Variants in MAGI2 observed in about 807,000 individuals in gnomAD.
MAGI2 encodes membrane-associated guanylate kinase, WW and PDZ domain-containing protein 2.
MAGI2 carries 35 observed loss-of-function variants against 133.3 expected under a neutral mutation model. The ratio of observed to expected loss-of-function variants is 0.26; its 90% confidence interval spans 0.20 to 0.35. The LOEUF is 0.35. Ranked by LOEUF, MAGI2 falls within the 10% of genes least tolerant of loss-of-function variation. The pLI, the probability that MAGI2 is intolerant of heterozygous loss-of-function variation, is 1.00. For missense variants in MAGI2, 1,636 were observed against 1,863.4 expected, an observed-to-expected ratio of 0.88 and a Z score of 2.25; for synonymous variants, 729 against 710.6, an observed-to-expected ratio of 1.03 and a Z score of -0.41.
At chr7:78,688,784 A>G (rs1213781028) in intron 2 of MAGI2, among the ~76,000 whole-genome samples, 1 of 152,226 alleles carries the variant, frequency 6.6e-6, no homozygotes, top group Non-Finnish European at 1.5e-5. Flanking sequence ...ATTTACAAAG[A>G]TCTTCTGCTT....
intron 21 of MAGI2, among the ~76,000 whole-genome samples, chr7:78,043,361 G>C (rs1002172687): frequency 7.0e-6 from 1 of 143,006 alleles, no homozygotes; most frequent in Non-Finnish European, 1.6e-5. Context: ...AGTAGGGGGT[G>C]GGAAAATACC....
rs1275310189 is a variant in MAGI2 at position 79,153,633 on chromosome 7, G to C, written c.302-146427C>G. Among the ~76,000 whole-genome samples the C allele has an allele frequency of 2.0e-5, 3 of 152,290 alleles. No individual in the cohort carries two copies. In the East Asian group the frequency reaches 5.8e-4, roughly 29 times the overall value. On this transcript the variant is annotated intron_variant, in intron 1 of 21. Transcript: ENST00000354212. ...TGGAGGACTAGGAAGGCATTGAAGT[G>C]GGCAAAAGTATGGCTAGGAGTGAGG... is the stretch of plus-strand genomic sequence containing the variant.
chr7:78,117,020 T>A (rs563868924), intron 20 of MAGI2, among the ~76,000 whole-genome samples: 21 of 151,482 alleles, frequency 1.4e-4, no homozygotes, highest in African/African-American at 3.9e-4. Flanking sequence ...TTTAGAAACA[T>A]AATTAGTGAA....
intron 2 of MAGI2, among the ~76,000 whole-genome samples, chr7:78,886,620 T>C (rs564310920): frequency 6.6e-6 from 1 of 152,146 alleles, no homozygotes; most frequent in South Asian, 2.1e-4. Flanking sequence ...TGGAGTAGAA[T>C]CAGCACTGGG....
chr7:78,256,448 A>C lies in MAGI2; in HGVS notation c.1542T>G (p.Phe514Leu). The stretch of plus-strand genomic sequence containing the variant: ...TGCTGTTAGCAGGGTCTTCAGGATC[A>C]AAGGGCAAAGGGTAGCCACGACACA... ...LVLCRGYPLP[F>L]DPEDPANSMV... The change falls in exon 10 of 22, where the codon TTT becomes TTG. Residue 514 changes from phenylalanine (F) to leucine (L), a missense_variant. Phe to Leu is a conservative substitution (Grantham distance 22, BLOSUM62 0). Transcript: ENST00000354212. The C allele has an allele frequency of 1.9e-6, 3 of 1,613,972 alleles. No individual in the cohort carries two copies. The highest frequency in any genetic ancestry group is 2.5e-6 in the Non-Finnish European group (3 of 1,179,958).
At chr7:78,798,509 G>C (rs1271101527) in intron 2 of MAGI2, among the ~76,000 whole-genome samples, 2 of 152,014 alleles carry the variant, frequency 1.3e-5, no homozygotes, top group Non-Finnish European at 2.9e-5. Flanking sequence ...GGCTGGAATG[G>C]GCCTGATGGG....
chr7:79,340,883 A>G (rs1189984388), intron 1 of MAGI2, among the ~76,000 whole-genome samples: 1 of 152,142 alleles, frequency 6.6e-6, no homozygotes, highest in African/African-American at 2.4e-5. Context: ...TCAGGAAAGG[A>G]GCCAGCACGA....
At chr7:78,846,860 A>G (rs1383488473) in intron 2 of MAGI2, among the ~76,000 whole-genome samples, 1 of 151,926 alleles carries the variant, frequency 6.6e-6, no homozygotes, top group Non-Finnish European at 1.5e-5. Context: ...CCAGGTGCAT[A>G]TATTAAAAGC....
chr7:79,253,194 T>C (rs117418428), intron 1 of MAGI2, among the ~76,000 whole-genome samples: 5,338 of 152,314 alleles, frequency 0.035, 150 homozygotes, highest in Non-Finnish European at 0.05. Flanking sequence ...TAAAATATCA[T>C]GTATATTCCT....
At chr7:78,271,282 C>A (rs926650311) in intron 9 of MAGI2, among the ~76,000 whole-genome samples, 3 of 151,640 alleles carry the variant, frequency 2.0e-5, no homozygotes, top group Non-Finnish European at 1.5e-5. Flanking sequence ...ATTGAACCAG[C>A]CTTGCATCCC....
At chr7:78,482,365 A>C (rs1270084248) in intron 6 of MAGI2, among the ~76,000 whole-genome samples, 1 of 151,932 alleles carries the variant, frequency 6.6e-6, no homozygotes, top group African/African-American at 2.4e-5. Context: ...ACTGAAACGC[A>C]CTTAGTATAT....
chr7:78,584,056 A>C (rs1254445071), intron 3 of MAGI2, among the ~76,000 whole-genome samples: 2 of 152,184 alleles, frequency 1.3e-5, no homozygotes, highest in African/African-American at 4.8e-5. Flanking sequence ...ATGGGAAAAA[A>C]CCAAACCAAA....
chr7:78,727,960 T>C (rs1820982128), intron 2 of MAGI2, among the ~76,000 whole-genome samples: 1 of 152,186 alleles, frequency 6.6e-6, no homozygotes, highest in African/African-American at 2.4e-5. Flanking sequence ...CAGGTTGTGA[T>C]GCACACTAAG....
intron 3 of MAGI2, among the ~76,000 whole-genome samples, chr7:78,533,093 C>G (rs1466696846): frequency 2.0e-5 from 3 of 152,126 alleles, no homozygotes; most frequent in Non-Finnish European, 4.4e-5. Flanking sequence ...AGGTGCCCAC[C>G]ACCACACCCG....
intron 2 of MAGI2, among the ~76,000 whole-genome samples, chr7:78,796,146 G>A (rs979779461): frequency 1.3e-5 from 2 of 151,958 alleles, no homozygotes; most frequent in Non-Finnish European, 2.9e-5. Flanking sequence ...GAATACTTCA[G>A]GCTAAAAAGC....
At chr7:78,425,973 T>C (rs1214285878) in intron 6 of MAGI2, among the ~76,000 whole-genome samples, 1 of 152,136 alleles carries the variant, frequency 6.6e-6, no homozygotes, top group Non-Finnish European at 1.5e-5. Context: ...AATACCAAAA[T>C]TGTGACCTGT....
chr7:78,368,979 A>G (rs1308297411), intron 7 of MAGI2, among the ~76,000 whole-genome samples, 177 bp downstream of exon 7: 2 of 152,104 alleles, frequency 1.3e-5, no homozygotes, highest in African/African-American at 2.4e-5. Context: ...GGAATGACAA[A>G]TTAGCCAGCT....
At chr7:78,461,837 G>A (rs1363542879) in intron 6 of MAGI2, among the ~76,000 whole-genome samples, 1 of 136,854 alleles carries the variant, frequency 7.3e-6, no homozygotes, top group African/African-American at 2.7e-5. Flanking sequence ...CTTGAACCCA[G>A]GAGGCAGAAG....
At chr7:78,074,689 T>C (rs1201064193) in intron 21 of MAGI2, among the ~76,000 whole-genome samples, 1 of 152,244 alleles carries the variant, frequency 6.6e-6, no homozygotes, top group Admixed American at 6.5e-5. Flanking sequence ...AGATATACTC[T>C]AGTTTATCTT....
Sources: allele counts gnomAD v4.1 joint callset (sites outside exome capture counted in the v4.1 genomes callset), GRCh38; gene constraint gnomAD v4.1.1; transcripts MANE v1.5; gene names NCBI Gene and HGNC (gene_info 2026-07-23, HGNC 2026-07-21).